Variants in PRC1 observed in about 807,000 individuals in gnomAD.
PRC1 encodes protein regulator of cytokinesis 1, also known as anaphase spindle elongation 1 homolog.
In PRC1, 54 loss-of-function variants were observed where a neutral mutation model predicts 91.2. The ratio of observed to expected loss-of-function variants is 0.59; its 90% CI spans 0.48 to 0.74. The LOEUF (loss-of-function observed/expected upper bound fraction) is 0.74, where lower values mean the gene tolerates loss of function less well. Ranked by LOEUF, PRC1 falls within the 30% of genes least tolerant of loss-of-function variation. PRC1 has a pLI of 0.00. For missense variants in PRC1, 727 were observed against 746.2 expected, an observed-to-expected ratio of 0.97 and a Z score of 0.30; for synonymous variants, 275 against 263.6, an observed-to-expected ratio of 1.04 and a Z score of -0.42.
At chr15:90,976,992 T>C in intron 8 of PRC1, among the ~76,000 whole-genome samples, 3 of 152,010 alleles carry the variant, frequency 2.0e-5, no homozygotes. Flanking sequence ...TTAGCGAGCA[T>C]GACGGTGCGC....
In PRC1 at chr15:90,979,227, T is replaced by G; in HGVS notation, c.1038A>C (p.Glu346Asp). Residue 346 changes from glutamate to aspartate, a missense_variant, in exon 8 of 15, where the codon GAA (glutamate) becomes GAC (aspartate). Coordinates refer to ENST00000394249, the MANE Select transcript of PRC1 (RefSeq NM_003981.4). ...CACCTTCAAAGAGTTCCTTGTGAAC[T>G]TCATAGTAGTTTTTTAACCGCACAA... ...AEIVRLKNYY[E>D]VHKELFEGVQ... The G allele has an allele frequency of 1.2e-6, 2 of 1,614,206 alleles. No homozygotes were observed. Among genetic ancestry groups the G allele is most frequent in the Non-Finnish European group, 1.7e-6 (2 of 1,180,036 alleles).
chr15:90,986,359 T>C (rs1417529152), intron 1 of PRC1, among the ~76,000 whole-genome samples: 2 of 152,240 alleles, frequency 1.3e-5, no homozygotes, highest in Non-Finnish European at 2.9e-5. Context: ...CTGGGTGCAG[T>C]GGCTCACACC....
intron 5 of PRC1, 108 bp from the exon 6 acceptor site, chr15:90,981,141 G>A: frequency 6.9e-7 from 1 of 1,441,656 alleles, no homozygotes; most frequent in Non-Finnish European, 9.4e-7. Context: ...GCACTTTCAT[G>A]AGAGTTCAAA....
intron 1 of PRC1, among the ~76,000 whole-genome samples, chr15:90,991,138 C>T (rs1009249506): frequency 6.6e-6 from 1 of 151,576 alleles, no homozygotes; most frequent in African/African-American, 2.4e-5. Context: ...TTTACTATGG[C>T]CGGGCGCGGT....
Position 90,967,080 on chromosome 15 carries a change from A to C in PRC1, c.*51T>G. The C allele has an allele frequency of 1.3e-6, 2 of 1,505,190 alleles. No individual in the cohort carries two copies. The highest frequency in any genetic ancestry group is 1.8e-6 in the Non-Finnish European group (2 of 1,083,154). 93.2% of individuals were successfully genotyped at this position (1,505,190 alleles called of 1,614,324 possible). A position where few individuals can be genotyped will look rare whatever the true frequency, so the allele number is the denominator to read the frequency against. Reference sequence around the variant, plus strand: ...AAACTAAAGTCACCCCCATATAATTAGGTCCAGTCTAGGCACAGGAAGCCA... The same window carrying C: ...AAACTAAAGTCACCCCCATATAATTCGGTCCAGTCTAGGCACAGGAAGCCA... On this transcript the variant is annotated 3_prime_UTR_variant, in exon 15 of 15. Coordinates refer to ENST00000394249, the MANE Select transcript of PRC1 (RefSeq NM_003981.4).
rs751542807 is a variant in PRC1, at chr15:90,969,429, T to G, written c.1749+18A>C. The stretch of plus-strand genomic sequence containing the variant: ...TGTGCTCCCCAGAGACTGGTAGATA[T>G]TAGAAAAGGTGAATTACCGCAAACT... On this transcript the variant is annotated intron_variant, in intron 13 of 14. Transcript: ENST00000394249. 5.1e-6 allele frequency: 8 copies of G among 1,576,182 alleles called. No individual in the cohort carries two copies. The highest frequency in any genetic ancestry group is 3.5e-5 in the Admixed American group (2 of 57,074).
chr15:90,967,226 G>C, intron 14 of PRC1, 24 bp from the exon 15 acceptor site: 1 of 1,594,992 alleles, frequency 6.3e-7, no homozygotes, highest in Admixed American at 1.7e-5. Context: ...AATAACATCA[G>C]TGGCCATACT....
At position 90,980,370 on chromosome 15, in the gene PRC1, C is replaced by T. The variant is rs146537637; in HGVS notation, c.842G>A (p.Arg281Gln). 29 of 1,613,790 alleles carry T rather than the reference C, an allele frequency of 1.8e-5. No individual in the cohort carries two copies. Among genetic ancestry groups the T allele is most frequent in the South Asian group, 9.9e-5 (9 of 91,010 alleles). ...VRKALQLEVD[R>Q]LEELKMQNMK... ...GTTTTGCATTTTCAGTTCTTCCAAC[C>T]GATCCACTTCTAATTGCAGCTGAAA... is the stretch of plus-strand genomic sequence containing the variant. Residue 281 changes from arginine to glutamine, a missense_variant, in exon 7 of 15, where the codon CGG becomes CAG. Physicochemically the swap from Arg to Gln is conservative, Grantham distance 43. Transcript: ENST00000394249.
intron 5 of PRC1, 68 bp downstream of exon 5, chr15:90,981,431 A>G: frequency 2.6e-6 from 4 of 1,530,352 alleles, no homozygotes; most frequent in Middle Eastern, 1.7e-4. Context: ...CTGAAGAAAC[A>G]GCTGTCAGTT....
At position 90,974,176 on chromosome 15, in the gene PRC1, C is replaced by T; in HGVS notation, c.1421G>A (p.Arg474Gln). The change falls in exon 11 of 15, where the codon CGG (arginine) becomes CAG (glutamine). Residue 474 changes from arginine (R) to glutamine (Q), a missense_variant. Transcript: ENST00000394249. The surrounding 1 kb of genome is among the most constrained non-coding windows in gnomAD (Gnocchi z 4.6). ...CGGTGTATTGGGAGCCAGTCCTCGC[C>T]GCTTGCTAGGTGTTCGAGGAGCGCT... Reference protein sequence around the residue: ...YGSAPRTPSKRRGLAPNTPGK... With the variant: ...YGSAPRTPSKQRGLAPNTPGK... 1.9e-6 allele frequency: 3 copies of T among 1,614,180 alleles called. No homozygotes were observed. The highest frequency in any genetic ancestry group is 2.5e-6 in the Non-Finnish European group (3 of 1,180,022).
intron 5 of PRC1, chr15:90,981,292 T>A: frequency 1.4e-6 from 1 of 697,616 alleles, no homozygotes; most frequent in Non-Finnish European, 2.3e-6. Flanking sequence ...TTATTTCATC[T>A]ATAATTTCAT....
At chr15:90,969,394 G>C in intron 13 of PRC1, 53 bp downstream of exon 13, 1 of 1,541,658 alleles carries the variant, frequency 6.5e-7, no homozygotes, top group Non-Finnish European at 8.8e-7. Flanking sequence ...TACCCACTCT[G>C]CCCCAACTGT....
intron 1 of PRC1, among the ~76,000 whole-genome samples, chr15:90,987,238 T>C (rs1418483681): frequency 6.6e-6 from 1 of 152,072 alleles, no homozygotes; most frequent in African/African-American, 2.4e-5. Context: ...CTATGATCAC[T>C]GCACTCCAAA....
In PRC1 at chr15:90,967,035, A is replaced by G. The variant is rs2037556666; in HGVS notation, c.*96T>C. On this transcript the variant is annotated 3_prime_UTR_variant, in exon 15 of 15. Coordinates refer to ENST00000394249, the MANE Select transcript of PRC1 (RefSeq NM_003981.4). ...GTCATGGAACCTGGCCAAGGTTTCA[A>G]GCACGCCTAAGCTGAAGAAAAACTA... 2 of 1,104,392 alleles carry G rather than the reference A, an allele frequency of 1.8e-6. No individual in the cohort carries two copies. Among genetic ancestry groups the G allele is most frequent in the Non-Finnish European group, 1.4e-6 (1 of 734,492 alleles). 68.4% of individuals were successfully genotyped at this position (1,104,392 alleles called of 1,614,324 possible). A position where few individuals can be genotyped will look rare whatever the true frequency, so the allele number is the denominator to read the frequency against.
At chr15:90,969,375 CT>C (rs1365073046) in intron 13 of PRC1, 71 bp downstream of exon 13, 2 of 1,509,590 alleles carry the variant, frequency 1.3e-6, no homozygotes, top group Admixed American at 2.0e-5. Context: ...CTGGGTGCCC[CT>C]GGGAAGATAC....
chr15:90,970,265 A>C (rs1021819738), intron 12 of PRC1, 139 bp downstream of exon 12: 38 of 679,270 alleles, frequency 5.6e-5, no homozygotes, highest in Non-Finnish European at 9.7e-5. Flanking sequence ...ATGGTGAGCT[A>C]GCTTATATCT....
intron 3 of PRC1, chr15:90,982,775 T>C (rs1015210891): frequency 2.0e-5 from 3 of 152,028 alleles, no homozygotes; most frequent in South Asian, 4.2e-4. Context: ...ACAGTGTAAA[T>C]TGGCTGGAAA....
chr15:90,992,293 A>G (rs951738238), intron 1 of PRC1, among the ~76,000 whole-genome samples: 2 of 152,192 alleles, frequency 1.3e-5, no homozygotes, highest in African/African-American at 2.4e-5. Context: ...CTCTTTTGCT[A>G]TTAGAATATA....
Position 90,974,623 on chromosome 15 carries a change from T to C in PRC1, c.1312A>G (p.Met438Val). The C allele has an allele frequency of 6.2e-7, 1 of 1,614,214 alleles. No homozygotes were observed. Among genetic ancestry groups the C allele is most frequent in the Non-Finnish European group, 8.5e-7 (1 of 1,180,038 alleles). ...FMEYVAEQWE[M>V]HRLEKERAKQ... The stretch of plus-strand genomic sequence containing the variant: ...GCTCTCTCTTTCTCCAATCGATGCA[T>C]CTCCCATTGTTCTGCCACATACTCC... Residue 438 changes from methionine to valine, a missense_variant, in exon 10 of 15, where the codon ATG (methionine) becomes GTG (valine). By Grantham distance (21) the Met-to-Val change is conservative. Transcript: ENST00000394249. The surrounding 1 kb of genome is among the most constrained non-coding windows in gnomAD (Gnocchi z 4.6).
Sources: gnomAD v4.1 joint callset for allele counts (sites outside exome capture counted in the v4.1 genomes callset) on GRCh38, gnomAD v4.1.1 for gene constraint, Gnocchi (gnomAD v3.1) non-coding constraint, MANE v1.5 for transcripts, NCBI Gene and HGNC (gene_info 2026-07-23, HGNC 2026-07-21) for gene names.